CLDN10: variants seen among roughly 807,000 people sequenced by gnomAD.
CLDN10 encodes the protein claudin 10.
A neutral mutation model predicts 22.9 loss-of-function variants in CLDN10; 15 were observed. The observed-to-expected ratio is 0.65, with a 90% CI of 0.44 to 1.01. CLDN10 has a LOEUF of 1.01. CLDN10 is among the 50% of genes least tolerant of loss of function. The pLI is 0.00. For synonymous variants in CLDN10, 114 were observed against 111.4 expected, an observed-to-expected ratio of 1.02 and a Z score of -0.15; for missense variants, 247 against 287.8, an observed-to-expected ratio of 0.86 and a Z score of 1.03.
At chr13:95,576,964 A>C (rs769690303) in intron 3 of CLDN10, among the ~76,000 whole-genome samples, 1 of 152,214 alleles carries the variant, frequency 6.6e-6, no homozygotes, top group Non-Finnish European at 1.5e-5. Context: ...CTGAGTCAGG[A>C]GACCCTGGCT....
chr13:95,497,120 G>C (rs543252336), intron 1 of CLDN10: 2 of 142,652 alleles, frequency 1.4e-5, no homozygotes, highest in African/African-American at 5.1e-5. Flanking sequence ...CCACACAAAG[G>C]AAGCACTAAA....
At chr13:95,542,644 T>C (rs2043471029) in intron 1 of CLDN10, among the ~76,000 whole-genome samples, 1 of 151,700 alleles carries the variant, frequency 6.6e-6, no homozygotes, top group Non-Finnish European at 1.5e-5. Flanking sequence ...CCATCTGTAC[T>C]AAAAATACAA....
At chr13:95,567,052 C>A (rs1049150782) in intron 3 of CLDN10, among the ~76,000 whole-genome samples, 1 of 151,996 alleles carries the variant, frequency 6.6e-6, no homozygotes, top group East Asian at 1.9e-4. Flanking sequence ...AGTCAGGTAG[C>A]GTGATGCCTC....
At chr13:95,455,187 G>A (rs1216646374) in intron 1 of CLDN10, among the ~76,000 whole-genome samples, 1 of 147,536 alleles carries the variant, frequency 6.8e-6, no homozygotes, top group African/African-American at 2.5e-5. Context: ...ATTTTCTATA[G>A]CCTCTAATAG....
At chr13:95,568,493 C>A (rs1820250740) in intron 3 of CLDN10, among the ~76,000 whole-genome samples, 1 of 152,048 alleles carries the variant, frequency 6.6e-6, no homozygotes, top group African/African-American at 2.4e-5. Flanking sequence ...CAGCTCTTAC[C>A]CCCATTGCTC....
chr13:95,488,950 C>CTTTT lies in CLDN10; in HGVS notation c.214+54920_214+54923dup, dbSNP rs58919737. On this transcript the variant is annotated intron_variant, in intron 1 of 4. Coordinates refer to the CLDN10 transcript ENST00000376873. The stretch of plus-strand genomic sequence containing the variant: ...TCAAATCATAGTTCTACTTTTTGTT[C>CTTTT]TTTTTTTTTTTTTTTTTTTTGAAAC... 4.8e-3 allele frequency among the ~76,000 whole-genome samples: 529 copies of CTTTT among 110,692 alleles called. 10 individuals are homozygous for CTTTT. Among genetic ancestry groups the CTTTT allele is most frequent in the Middle Eastern group, 0.013 (2 of 160 alleles). 72.6% of individuals were successfully genotyped at this position (110,692 alleles called of 152,430 possible).
rs181819262 is a variant in CLDN10 at position 95,487,040 on chromosome 13, C to T, written c.214+52993C>T. Among the ~76,000 whole-genome samples, 137 of 152,358 alleles carry T rather than the reference C, an allele frequency of 9.0e-4. 1 individual carries two copies. Among genetic ancestry groups the T allele is most frequent in the African/African-American group, 3.2e-3 (134 of 41,594 alleles). ...TCGCACGGATTTGAACTGTCCGTGT[C>T]CAGCCTGTTGCTCTTTAGCATGATT... is the stretch of plus-strand genomic sequence containing the variant. On this transcript the variant is annotated intron_variant, in intron 1 of 4. Transcript: ENST00000376873.
intron 1 of CLDN10, among the ~76,000 whole-genome samples, chr13:95,442,259 C>T (rs541100267): frequency 9.9e-5 from 15 of 152,174 alleles, no homozygotes; most frequent in Non-Finnish European, 1.8e-4. Context: ...TCTTTCAGTG[C>T]CTTGAAAGGT....
intron 1 of CLDN10, among the ~76,000 whole-genome samples, chr13:95,533,219 A>G (rs1237864659): frequency 6.6e-6 from 1 of 151,628 alleles, no homozygotes. Flanking sequence ...TATTCCAAAA[A>G]AAAAAAAAAG....
intron 1 of CLDN10, among the ~76,000 whole-genome samples, chr13:95,456,580 C>A (rs546690801): frequency 6.6e-6 from 1 of 151,940 alleles, no homozygotes; most frequent in East Asian, 1.9e-4. Flanking sequence ...TAATAAGACG[C>A]CTGTCTCCAC....
intron 1 of CLDN10, among the ~76,000 whole-genome samples, chr13:95,495,488 T>C (rs1210642941): frequency 2.0e-5 from 3 of 148,916 alleles, no homozygotes; most frequent in Non-Finnish European, 4.5e-5. Context: ...CTCAAGCCTG[T>C]AATCCCAGCA....
chr13:95,445,842 G>T (rs1246632856), intron 1 of CLDN10, among the ~76,000 whole-genome samples: 1 of 152,144 alleles, frequency 6.6e-6, no homozygotes, highest in Non-Finnish European at 1.5e-5. Context: ...GACATTAGCG[G>T]CACAGGAATA....
chr13:95,509,421 G>A (rs373584700), intron 1 of CLDN10, among the ~76,000 whole-genome samples: 2 of 152,108 alleles, frequency 1.3e-5, no homozygotes, highest in East Asian at 1.9e-4. Flanking sequence ...GTCTGACATC[G>A]AGGAAAATTG....
intron 1 of CLDN10, chr13:95,434,100 A>C: frequency 6.6e-7 from 1 of 1,506,480 alleles, no homozygotes; most frequent in South Asian, 1.2e-5. Context: ...TTTCCCCCCG[A>C]CTGTGCTGAA....
intron 1 of CLDN10, among the ~76,000 whole-genome samples, chr13:95,525,539 C>T (rs1042825394): frequency 3.9e-5 from 6 of 152,156 alleles, no homozygotes; most frequent in African/African-American, 1.2e-4. Flanking sequence ...ATCGCCCAGG[C>T]TGGAGTACAG....
At chr13:95,470,488 A>T (rs996543752) in intron 1 of CLDN10, among the ~76,000 whole-genome samples, 1 of 152,064 alleles carries the variant, frequency 6.6e-6, no homozygotes, top group Non-Finnish European at 1.5e-5. Context: ...AGTAGTAACC[A>T]TTTACACAAA....
rs1555289388 is a variant in CLDN10, at chr13:95,467,529, T to TGG, written c.214+33489_214+33490dup. On this transcript the variant is annotated intron_variant, in intron 1 of 4. Coordinates refer to the CLDN10 transcript ENST00000376873. ...TTACCCCTCCCTCTATTGTTTTTTT[T>TGG]GGGGGGGGCAATTTATTTGTTGATG... Among the ~76,000 whole-genome samples the TGG allele has an allele frequency of 6.8e-3, 1,027 of 150,894 alleles. 16 individuals carry two copies. The highest frequency in any genetic ancestry group is 0.022 in the African/African-American group (898 of 41,140).
chr13:95,451,852 C>T (rs1227606369), intron 1 of CLDN10, among the ~76,000 whole-genome samples: 1 of 152,152 alleles, frequency 6.6e-6, no homozygotes, highest in African/African-American at 2.4e-5. Context: ...CCAGGTTCAC[C>T]TTCCTTGGTG....
intron 1 of CLDN10, among the ~76,000 whole-genome samples, chr13:95,494,748 G>A (rs756539649): frequency 6.6e-6 from 1 of 152,162 alleles, no homozygotes; most frequent in Non-Finnish European, 1.5e-5. Context: ...CTGAAGAACA[G>A]AGAATCTTAG....
Sources: gnomAD v4.1 joint callset for allele counts (sites outside exome capture counted in the v4.1 genomes callset) on GRCh38, gnomAD v4.1.1 for gene constraint, MANE v1.5 for transcripts, NCBI Gene and HGNC (gene_info 2026-07-23, HGNC 2026-07-21) for gene names.